Variants in SATB2 observed in about 807,000 individuals in gnomAD.
SATB2 encodes DNA-binding protein SATB2.
SATB2 carries 1 observed loss-of-function variant against 73.4 expected under a neutral mutation model. That is an observed-to-expected ratio of 0.01 (90% confidence interval 0.00 to 0.06). The LOEUF (loss-of-function observed/expected upper bound fraction) is 0.06, where lower values mean the gene tolerates loss of function less well. SATB2 is among the 10% of genes least tolerant of loss of function. The pLI, the probability that SATB2 is intolerant of heterozygous loss-of-function variation, is 1.00. For synonymous variants in SATB2, 397 were observed against 367.0 expected (o/e 1.08, Z -0.93); for missense variants, 459 against 945.8 (o/e 0.49, Z 6.75).
chr2:199,397,415 T>G (rs896758807), intron 3 of SATB2: 1 of 152,466 alleles, frequency 6.6e-6, no homozygotes, highest in Non-Finnish European at 1.5e-5. Flanking sequence ...TGAGTGAATC[T>G]GAAAAATAAC....
intron 3 of SATB2, among the ~76,000 whole-genome samples, chr2:199,408,145 A>G (rs1166107440): frequency 1.3e-5 from 2 of 152,192 alleles, no homozygotes; most frequent in Non-Finnish European, 2.9e-5. Flanking sequence ...ACTGAGTACT[A>G]TCGTGGGCCC....
intron 2 of SATB2, among the ~76,000 whole-genome samples, chr2:199,435,682 A>C (rs190857751): frequency 1.0e-3 from 153 of 152,286 alleles, no homozygotes; most frequent in African/African-American, 3.6e-3. Flanking sequence ...TCCAGGATTT[A>C]TTCACTGAAC....
At chr2:199,290,623 TAATA>T (rs978039967) in intron 10 of SATB2, among the ~76,000 whole-genome samples, 1 of 152,206 alleles carries the variant, frequency 6.6e-6, no homozygotes, top group African/African-American at 2.4e-5. Flanking sequence ...GTATACAGGT[TAATA>T]AATACCATAG....
At chr2:199,371,115 T>C (rs901107241) in intron 5 of SATB2, among the ~76,000 whole-genome samples, 1 of 152,146 alleles carries the variant, frequency 6.6e-6, no homozygotes, top group African/African-American at 2.4e-5. Context: ...ATTGTTATAG[T>C]CCATCCTCAG....
At chr2:199,330,025 C>T (rs184821705) in intron 7 of SATB2, among the ~76,000 whole-genome samples, 1 of 152,220 alleles carries the variant, frequency 6.6e-6, no homozygotes, top group East Asian at 1.9e-4. Context: ...GATGGGGCAA[C>T]TGAAATCATG....
chr2:199,275,952 T>G (rs1211152876), intron 10 of SATB2, among the ~76,000 whole-genome samples: 2 of 152,172 alleles, frequency 1.3e-5, no homozygotes, highest in African/African-American at 4.8e-5. Flanking sequence ...ATATCTGAGA[T>G]TAAAAGATTC....
In SATB2 at chr2:199,308,549, T is replaced by TAC. The variant is rs3833553; in HGVS notation, c.1740+209_1740+210dup. ...TCAGTCATTTTTCTTTGTGTGTGCA[T>TAC]ACACACACACACACGCACGCACATG... On this transcript the variant is annotated intron_variant, in intron 10 of 10. Coordinates refer to ENST00000417098, the MANE Select transcript of SATB2 (RefSeq NM_001172509.2). This position sits in a 1 kb window ranked among gnomAD's most constrained non-coding sequence, Gnocchi z 4.6. Among the ~76,000 whole-genome samples, 16 of 151,268 alleles carry TAC rather than the reference T, an allele frequency of 1.1e-4. No homozygotes were observed. In the East Asian group the frequency reaches 1.2e-3, roughly 11 times the overall value.
chr2:199,462,893 G>T (rs1692509662), upstream of SATB2, among the ~76,000 whole-genome samples: 1 of 152,210 alleles, frequency 6.6e-6, no homozygotes, highest in Admixed American at 6.5e-5. The surrounding 1 kb of genome is among the most constrained non-coding windows in gnomAD (Gnocchi z 5.9). Context: ...TCAGGAGCCG[G>T]GTGGGCGGGA....
intron 3 of SATB2, among the ~76,000 whole-genome samples, chr2:199,423,430 G>A (rs1691232647): frequency 6.6e-6 from 1 of 152,018 alleles, no homozygotes; most frequent in Non-Finnish European, 1.5e-5. Flanking sequence ...CAAAGTAAGA[G>A]TGGTAAAATT....
At chr2:199,393,910 A>G (rs1690223343) in intron 3 of SATB2, among the ~76,000 whole-genome samples, 1 of 152,204 alleles carries the variant, frequency 6.6e-6, no homozygotes, top group Non-Finnish European at 1.5e-5. Context: ...TGGCTCAATC[A>G]GGTTTTTTTA....
At chr2:199,387,544 A>G (rs1434097314) in intron 3 of SATB2, among the ~76,000 whole-genome samples, 1 of 152,240 alleles carries the variant, frequency 6.6e-6, no homozygotes, top group African/African-American at 2.4e-5. Flanking sequence ...GGAATTTGTC[A>G]TCTGCAAACA....
At chr2:199,403,663 T>C (rs897332661) in intron 3 of SATB2, among the ~76,000 whole-genome samples, 4 of 152,150 alleles carry the variant, frequency 2.6e-5, no homozygotes, top group Admixed American at 2.6e-4. Flanking sequence ...GAAATCTCAG[T>C]TTTTTAAATA....
rs574422575 is a variant in SATB2, at chr2:199,359,614, A to C, written c.700+8991T>G. On this transcript the variant is annotated intron_variant, in intron 6 of 10. Coordinates refer to ENST00000417098, the MANE Select transcript of SATB2 (RefSeq NM_001172509.2). Reference sequence around the variant, plus strand: ...ATTCAAATAAGTTCATCTATATTACATTCAATTATATTAATATTTACTAAG... The same window carrying C: ...ATTCAAATAAGTTCATCTATATTACCTTCAATTATATTAATATTTACTAAG... 2.0e-5 allele frequency among the ~76,000 whole-genome samples: 3 copies of C among 152,296 alleles called. No homozygotes were observed. The East Asian group carries it at 5.8e-4, about 29-fold the overall frequency.
At chr2:199,383,683 T>C (rs1318419975) in intron 3 of SATB2, among the ~76,000 whole-genome samples, 2 of 151,994 alleles carry the variant, frequency 1.3e-5, no homozygotes, top group African/African-American at 2.4e-5. Context: ...AAGCAAGTAA[T>C]ATAAAAAAAA....
chr2:199,405,176 G>C lies in SATB2; in HGVS notation c.347-23356C>G, dbSNP rs142324164. 1.1e-4 allele frequency among the ~76,000 whole-genome samples: 16 copies of C among 152,256 alleles called. No individual in the cohort carries two copies. In the East Asian group the frequency reaches 2.9e-3, roughly 28 times the overall value. ...GTCTTTGGCTAAGAGATAGGTGTGA[G>C]CCCATAAAATTATGTCCCTTGACTC... On this transcript the variant is annotated intron_variant, in intron 3 of 10. Coordinates refer to ENST00000417098, the MANE Select transcript of SATB2 (RefSeq NM_001172509.2).
chr2:199,445,898 A>G (rs1241412156), intron 2 of SATB2, among the ~76,000 whole-genome samples: 1 of 152,184 alleles, frequency 6.6e-6, no homozygotes, highest in Non-Finnish European at 1.5e-5. Context: ...TGGTTTTCGG[A>G]TGAAGACAAT....
At chr2:199,439,293 T>C (rs939014262) in intron 2 of SATB2, among the ~76,000 whole-genome samples, 2 of 152,218 alleles carry the variant, frequency 1.3e-5, no homozygotes, top group East Asian at 1.9e-4. Flanking sequence ...AGGAGCCAGT[T>C]TGAGATGAGA....
At chr2:199,280,064 G>A (rs984583196) in intron 10 of SATB2, among the ~76,000 whole-genome samples, 5 of 152,178 alleles carry the variant, frequency 3.3e-5, no homozygotes, top group African/African-American at 7.2e-5. Flanking sequence ...GACCCCAAAC[G>A]GAGGGACTGG....
At chr2:199,303,827 C>T (rs1687352448) in intron 10 of SATB2, among the ~76,000 whole-genome samples, 1 of 152,144 alleles carries the variant, frequency 6.6e-6, no homozygotes, top group Non-Finnish European at 1.5e-5. Flanking sequence ...CTGTCACTAA[C>T]CGAGTCTCAC....
Sources: allele counts gnomAD v4.1 joint callset (sites outside exome capture counted in the v4.1 genomes callset), GRCh38; gene constraint gnomAD v4.1.1; non-coding constraint Gnocchi (gnomAD v3.1); transcripts MANE v1.5; gene names NCBI Gene and HGNC (gene_info 2026-07-23, HGNC 2026-07-21).